PROX1: variants seen among roughly 807,000 people sequenced by gnomAD.
The protein encoded by PROX1 is prospero homeobox 1, also known as prospero homeobox protein 1.
PROX1 carries 7 observed loss-of-function variants against 58.8 expected under a neutral mutation model. The observed-to-expected ratio is 0.12, with a 90% CI of 0.07 to 0.22. The LOEUF is 0.22. PROX1 is among the 10% of genes least tolerant of loss of function. PROX1 has a pLI of 1.00. For synonymous variants in PROX1, 350 were observed against 358.3 expected (o/e 0.98, Z 0.26); for missense variants, 675 against 927.8 (o/e 0.73, Z 3.54).
intron 4 of PROX1, among the ~76,000 whole-genome samples, chr1:214,023,543 T>C (rs1664355710): frequency 6.6e-6 from 1 of 152,086 alleles, no homozygotes; most frequent in African/African-American, 2.4e-5. Flanking sequence ...TTTTAGATGA[T>C]ATAACTACCT....
In PROX1 at chr1:214,034,432, C is replaced by A. The variant is rs141228374; in HGVS notation, c.2029-1217C>A. Among the ~76,000 whole-genome samples, 3 of 152,276 alleles carry A rather than the reference C, an allele frequency of 2.0e-5. No homozygotes were observed. In the East Asian group the frequency reaches 5.8e-4, roughly 29 times the overall value. On this transcript the variant is annotated intron_variant, in intron 4 of 4. Coordinates refer to ENST00000366958, the MANE Select transcript of PROX1 (RefSeq NM_001270616.2). Reference sequence around the variant, plus strand: ...ATGATACGTTTATGTCCTCATACGTCTGCACTTAATGTAAAAATGAAACTT... The same window carrying A: ...ATGATACGTTTATGTCCTCATACGTATGCACTTAATGTAAAAATGAAACTT...
chr1:214,000,067 G>C (rs199904212), intron 2 of PROX1, among the ~76,000 whole-genome samples: 6 of 138,532 alleles, frequency 4.3e-5, no homozygotes, highest in South Asian at 2.2e-4. Context: ...CACACACACA[G>C]ACACACACAC....
chr1:213,998,977 T>C (rs1002296331), intron 2 of PROX1, among the ~76,000 whole-genome samples: 3 of 152,214 alleles, frequency 2.0e-5, no homozygotes, highest in Non-Finnish European at 4.4e-5. Context: ...CAGCTGCCTC[T>C]ATGCATGATT....
chr1:214,028,629 A>C (rs1664539180), intron 4 of PROX1, among the ~76,000 whole-genome samples: 1 of 152,184 alleles, frequency 6.6e-6, no homozygotes, highest in Non-Finnish European at 1.5e-5. Flanking sequence ...TCAAACTTGT[A>C]AACCACCTTA....
chr1:214,017,342 C>G (rs992862422), intron 4 of PROX1, among the ~76,000 whole-genome samples: 1 of 152,212 alleles, frequency 6.6e-6, no homozygotes, highest in South Asian at 2.1e-4. Flanking sequence ...GATTGTTCCT[C>G]GGCACAGAGA....
At chr1:214,005,491 T>C (rs1663676507) in intron 3 of PROX1, among the ~76,000 whole-genome samples, 1 of 152,236 alleles carries the variant, frequency 6.6e-6, no homozygotes, top group Non-Finnish European at 1.5e-5. Flanking sequence ...TGCATGGGTT[T>C]CCAATGTAGT....
In PROX1 at chr1:213,997,609, T is replaced by C; in HGVS notation, c.1074T>C (p.Thr358=). The change falls in exon 2 of 5, where the codon ACT becomes ACC. Residue 358 remains threonine (T), a synonymous_variant. Coordinates refer to ENST00000366958, the MANE Select transcript of PROX1 (RefSeq NM_001270616.2). The surrounding 1 kb of genome is among the most constrained non-coding windows in gnomAD (Gnocchi z 7.1). ...LAETLKQELN[T]AMSQVVDTVV... ...AGACCTTGAAACAGGAACTGAACAC[T>C]GCCATGTCGCAAGTTGTGGACACTG... 1.9e-6 allele frequency: 3 copies of C among 1,614,158 alleles called. No individual in the cohort carries two copies. Among genetic ancestry groups the C allele is most frequent in the Non-Finnish European group, 2.5e-6 (3 of 1,180,042 alleles).
upstream of PROX1, chr1:213,987,661 C>A (rs1221979410): frequency 6.9e-6 from 1 of 144,958 alleles, no homozygotes; most frequent in African/African-American, 2.5e-5. Context: ...ATGGCTCGCT[C>A]CGGCCCAGGC....
Position 214,021,624 on chromosome 1 carries a change from G to A in PROX1, c.2028+9909G>A, listed in dbSNP as rs549357079. Among the ~76,000 whole-genome samples the A allele has an allele frequency of 2.0e-5, 3 of 152,372 alleles. No individual in the cohort carries two copies. In the South Asian group the frequency reaches 6.2e-4, roughly 32 times the overall value. ...TAACTCACACAGCAGAACTCCAGGT[G>A]TGGGCAGTCATGCCACGGTTTGGTG... On this transcript the variant is annotated intron_variant, in intron 4 of 4. Coordinates refer to ENST00000366958, the MANE Select transcript of PROX1 (RefSeq NM_001270616.2).
At chr1:214,029,091 A>T (rs140442639) in intron 4 of PROX1, 11 of 152,312 alleles carry the variant, frequency 7.2e-5, no homozygotes, top group African/African-American at 2.6e-4. Flanking sequence ...TCTCTCCTTG[A>T]TCGATATTTA....
In PROX1 at chr1:213,997,485, A is replaced by G; in HGVS notation, c.950A>G (p.Glu317Gly). ...FIDRARALIR[E>G]QEMAENKPKR... ...GACCGAGCTCGAGCCCTGATCAGAG[A>G]GCAGGAAATGGCTGAAAACAAGCCG... Residue 317 changes from glutamate to glycine, a missense_variant, in exon 2 of 5, where the codon GAG becomes GGG. Transcript: ENST00000366958. This position sits in a 1 kb window ranked among gnomAD's most constrained non-coding sequence, Gnocchi z 7.1. 1 of 1,614,128 alleles carries G rather than the reference A, an allele frequency of 6.2e-7. No individual in the cohort carries two copies.
At position 213,997,494 on chromosome 1, in the gene PROX1, T is replaced by C. The variant is rs200966732; in HGVS notation, c.959T>C (p.Met320Thr). ...CGAGCCCTGATCAGAGAGCAGGAAA[T>C]GGCTGAAAACAAGCCGAAGCGAGAA... The part of the protein sequence containing the change: ...RARALIREQE[M>T]AENKPKREGN... The change falls in exon 2 of 5, where the codon ATG becomes ACG. Residue 320 changes from methionine (M) to threonine (T), a missense_variant. Coordinates refer to ENST00000366958, the MANE Select transcript of PROX1 (RefSeq NM_001270616.2). The surrounding 1 kb of genome is among the most constrained non-coding windows in gnomAD (Gnocchi z 7.1). The C allele has an allele frequency of 6.6e-5, 107 of 1,613,902 alleles. No individual in the cohort carries two copies. Among genetic ancestry groups the C allele is most frequent in the Non-Finnish European group, 8.6e-5 (101 of 1,179,996 alleles).
At chr1:214,002,412 C>CTTTTTTTT (rs774337530) in intron 2 of PROX1, among the ~76,000 whole-genome samples, 1 of 116,376 alleles carries the variant, frequency 8.6e-6, no homozygotes, top group Non-Finnish European at 1.7e-5. Flanking sequence ...TTTCTTTTTT[C>CTTTTTTTT]TTTTTTTTTT....
intron 1 of PROX1, among the ~76,000 whole-genome samples, chr1:213,994,750 A>AATATATATATATATATATATAT (rs66460564): frequency 2.3e-5 from 2 of 88,332 alleles, no homozygotes; most frequent in African/African-American, 4.2e-5. Context: ...CAAGCATGCA[A>AATATATATATATATATATATAT]ATATATATAT....
At chr1:214,031,214 G>T (rs1348115104) in intron 4 of PROX1, among the ~76,000 whole-genome samples, 1 of 152,140 alleles carries the variant, frequency 6.6e-6, no homozygotes, top group Non-Finnish European at 1.5e-5. Context: ...TGATGAAATT[G>T]GTAGAAGCTG....
Position 213,997,171 on chromosome 1 carries a change from G to T in PROX1, c.636G>T (p.Lys212Asn). 1.2e-6 allele frequency: 2 copies of T among 1,613,528 alleles called. No homozygotes were observed. The highest frequency in any genetic ancestry group is 1.3e-5 in the African/African-American group (1 of 74,908). Residue 212 changes from lysine (K) to asparagine (N), a missense_variant, in exon 2 of 5, where the codon AAG becomes AAT. Around this residue, in one of 8 missense-constraint regions of PROX1, gnomAD observed 403 missense variants for 477.4 expected, o/e 0.84. Transcript: ENST00000366958. This position sits in a 1 kb window ranked among gnomAD's most constrained non-coding sequence, Gnocchi z 7.1. The part of the protein sequence containing the change: ...ESYRENKRKQ[K>N]LPQQQQQSFQ... Reference sequence around the variant, plus strand: ...ACAGAGAAAACAAACGCAAGCAAAAGCTTCCCCAGCAGCAGCAACAGAGTT... The same window carrying T: ...ACAGAGAAAACAAACGCAAGCAAAATCTTCCCCAGCAGCAGCAACAGAGTT...
chr1:213,998,023 ATTAGG>A lies in PROX1; in HGVS notation c.1490_1494del (p.Leu497CysfsTer15), dbSNP rs1399935358. 12 of 1,612,376 alleles carry A rather than the reference ATTAGG, an allele frequency of 7.4e-6. No homozygotes were observed. The highest frequency in any genetic ancestry group is 1.0e-5 in the Non-Finnish European group (12 of 1,179,078). On this transcript the variant is annotated frameshift_variant, in exon 2 of 5. Coordinates refer to ENST00000366958, the MANE Select transcript of PROX1 (RefSeq NM_001270616.2). LOFTEE classifies it high-confidence loss of function. ...TGATGGCCTATCCATTTCAGAGCCC[ATTAGG>A]TGCTCCCTCCGGCTCCTTCTCTGGA... is the stretch of plus-strand genomic sequence containing the variant.
At chr1:214,031,461 C>T (rs575735433) in intron 4 of PROX1, among the ~76,000 whole-genome samples, 1 of 152,116 alleles carries the variant, frequency 6.6e-6, no homozygotes, top group Non-Finnish European at 1.5e-5. Context: ...TGTGGCATGT[C>T]CAAAGGCAGG....
rs1230861839 is a variant in PROX1 at position 213,999,903 on chromosome 1, C to T, written c.1725+1643C>T. Among the ~76,000 whole-genome samples the T allele has an allele frequency of 4.6e-5, 7 of 152,172 alleles. No individual in the cohort carries two copies. The South Asian group carries it at 6.2e-4, about 14-fold the overall frequency. On this transcript the variant is annotated intron_variant, in intron 2 of 4. Coordinates refer to ENST00000366958, the MANE Select transcript of PROX1 (RefSeq NM_001270616.2). The stretch of plus-strand genomic sequence containing the variant: ...CAATGGCTTGAATGGTTTTTGTGCC[C>T]TTTGCAAAAAGAGCATCTTCAGAGG...
Sources: gnomAD v4.1 joint callset for allele counts (sites outside exome capture counted in the v4.1 genomes callset) on GRCh38, gnomAD v4.1.1 for gene constraint, gnomAD v4.1.1 regional missense constraint, Gnocchi (gnomAD v3.1) non-coding constraint, MANE v1.5 for transcripts, NCBI Gene and HGNC (gene_info 2026-07-23, HGNC 2026-07-21) for gene names.